The following MYBL2 variants were observed in gnomAD, a reference collection of about 807,000 sequenced individuals.
MYBL2 encodes MYB proto-oncogene like 2, also known as myb-related protein B.
MYBL2 carries 28 observed loss-of-function variants against 79.9 expected under a neutral mutation model. That is an observed-to-expected ratio of 0.35 (90% CI 0.26 to 0.48). MYBL2 has a LOEUF of 0.48. MYBL2 is among the 20% of genes least tolerant of loss of function. The pLI is 0.99. For missense variants in MYBL2, 735 were observed against 893.9 expected (o/e 0.82, Z 2.27); for synonymous variants, 378 against 361.2 (o/e 1.05, Z -0.53).
intron 1 of MYBL2, among the ~76,000 whole-genome samples, chr20:43,668,514 CTT>C (rs1329382484): frequency 2.0e-5 from 3 of 151,856 alleles, no homozygotes; most frequent in Non-Finnish European, 4.4e-5. Context: ...TTCGGTCCCT[CTT>C]TAGACGATAG....
Position 43,705,257 on chromosome 20 carries a change from G to A in MYBL2, c.1404G>A (p.Leu468=). ...GGAACAAACAGGACACATTGGAGCT[G>A]GAGAGCCCCTCGCTGACATCCACCC... ...NFWNKQDTLE[L]ESPSLTSTPV... The change falls in exon 9 of 14, where the codon CTG becomes CTA. Residue 468 remains leucine, a synonymous_variant. Transcript: ENST00000217026. The A allele has an allele frequency of 1.2e-6, 2 of 1,614,042 alleles. No individual in the cohort carries two copies. Among genetic ancestry groups the A allele is most frequent in the South Asian group, 1.1e-5 (1 of 91,030 alleles).
chr20:43,671,303 A>G (rs1279965677), intron 1 of MYBL2, among the ~76,000 whole-genome samples: 1 of 149,268 alleles, frequency 6.7e-6, no homozygotes, highest in Non-Finnish European at 1.5e-5. Context: ...TTACAGGCGC[A>G]TGCCACCACA....
chr20:43,695,105 C>G (rs1390423437), intron 6 of MYBL2, among the ~76,000 whole-genome samples: 1 of 151,004 alleles, frequency 6.6e-6, no homozygotes, highest in Non-Finnish European at 1.5e-5. Flanking sequence ...GCCATCTCTG[C>G]TTGCTGCAAC....
intron 1 of MYBL2, among the ~76,000 whole-genome samples, chr20:43,669,081 C>T (rs772366377): frequency 6.6e-6 from 1 of 152,186 alleles, no homozygotes; most frequent in African/African-American, 2.4e-5. Flanking sequence ...TCAGGCAATC[C>T]GCCTGCCTTG....
intron 12 of MYBL2, 108 bp downstream of exon 12, chr20:43,713,214 AG>A: frequency 2.4e-6 from 1 of 424,610 alleles, no homozygotes; most frequent in Non-Finnish European, 4.8e-6. Flanking sequence ...CTCTGCAGGG[AG>A]GGGCTATCAG....
chr20:43,671,060 C>T (rs1986843140), intron 1 of MYBL2, among the ~76,000 whole-genome samples: 2 of 151,798 alleles, frequency 1.3e-5, no homozygotes, highest in Admixed American at 6.6e-5. Context: ...CCTCTGCCTC[C>T]TGGGTTCAAG....
Position 43,686,805 on chromosome 20 carries a change from C to G in MYBL2, c.280-47C>G, listed in dbSNP as rs373580243. The G allele has an allele frequency of 1.1e-5, 18 of 1,575,012 alleles. No individual in the cohort carries two copies. The East Asian group carries it at 4.0e-4, about 35-fold the overall frequency. ...TGGATGTGAAGGGCTATGGTGGGGG[C>G]GAGAGAGGGGCCGGTGCAAGTGGCT... On this transcript the variant is annotated intron_variant, in intron 4 of 13. Transcript: ENST00000217026.
At chr20:43,715,585 TA>T (rs1988013366) in intron 13 of MYBL2, among the ~76,000 whole-genome samples, 1 of 152,232 alleles carries the variant, frequency 6.6e-6, no homozygotes, top group Admixed American at 6.5e-5. Context: ...CACTTGTAAC[TA>T]AGTCATTATC....
chr20:43,686,264 TG>T (rs1375887785), intron 4 of MYBL2, among the ~76,000 whole-genome samples: 1 of 152,012 alleles, frequency 6.6e-6, no homozygotes, highest in Non-Finnish European at 1.5e-5. Flanking sequence ...GCCTGGCTCT[TG>T]TGGCTGCGTA....
intron 4 of MYBL2, among the ~76,000 whole-genome samples, chr20:43,683,550 C>CCTTTTTTTTTTTT (rs764273305): frequency 1.6e-5 from 2 of 126,446 alleles, no homozygotes; most frequent in Non-Finnish European, 1.7e-5. Context: ...GGGAACTAGG[C>CCTTTTTTTTTTTT]ATTTTTTTTT....
intron 4 of MYBL2, among the ~76,000 whole-genome samples, chr20:43,684,534 CTTTT>C (rs752809652): frequency 7.3e-6 from 1 of 136,190 alleles, no homozygotes; most frequent in South Asian, 2.3e-4. Flanking sequence ...TGTGCCCGGC[CTTTT>C]TTTTTTTTTT....
intron 1 of MYBL2, among the ~76,000 whole-genome samples, chr20:43,671,464 T>C (rs1207333875): frequency 4.0e-5 from 4 of 99,962 alleles, no homozygotes; most frequent in African/African-American, 2.1e-4. Context: ...CTGATTTCCA[T>C]TTTTTTTTTT....
chr20:43,716,239 C>A lies in MYBL2; in HGVS notation c.*152C>A. The A allele has an allele frequency of 6.8e-6, 8 of 1,174,416 alleles. No homozygotes were observed. The highest frequency in any genetic ancestry group is 8.2e-6 in the Non-Finnish European group (7 of 852,620). The allele number at this position is 1,174,416 out of a possible 1,614,324, so 72.7% of individuals were successfully genotyped here. On this transcript the variant is annotated 3_prime_UTR_variant, in exon 14 of 14. Transcript: ENST00000217026. ...GACTCTCAGGTGGAGGCAACAGGGC[C>A]ATGTGCTGCCCTGTTGCCGAGCCCA...
intron 1 of MYBL2, among the ~76,000 whole-genome samples, chr20:43,670,731 C>A (rs1382574706): frequency 6.6e-6 from 1 of 152,088 alleles, no homozygotes; most frequent in Non-Finnish European, 1.5e-5. Flanking sequence ...CTTTGGAGAA[C>A]AAGGAGAAGG....
At chr20:43,667,653 C>T (rs1986750709) in intron 1 of MYBL2, among the ~76,000 whole-genome samples, 1 of 152,132 alleles carries the variant, frequency 6.6e-6, no homozygotes, top group African/African-American at 2.4e-5. Context: ...AGGGCCTTCG[C>T]CGGCGAGGGA....
chr20:43,671,906 C>T (rs988227052), intron 1 of MYBL2, among the ~76,000 whole-genome samples: 5 of 151,222 alleles, frequency 3.3e-5, no homozygotes, highest in Admixed American at 6.6e-5. Context: ...CCTACAGCGG[C>T]GTTAGAAGAT....
At chr20:43,711,345 C>T (rs931641347) in intron 10 of MYBL2, 143 bp from the exon 11 acceptor site, 15 of 613,204 alleles carry the variant, frequency 2.4e-5, no homozygotes, top group East Asian at 5.7e-5. Context: ...GTGAATGGTG[C>T]GTGTGAGATC....
At chr20:43,709,886 A>C in intron 9 of MYBL2, 77 bp from the exon 10 acceptor site, 1 of 1,193,478 alleles carries the variant, frequency 8.4e-7, no homozygotes, top group Non-Finnish European at 1.2e-6. Flanking sequence ...CACTGGGGGA[A>C]GGTGGAGCCA....
chr20:43,696,480 CA>C (rs894602154), intron 6 of MYBL2, among the ~76,000 whole-genome samples: 78 of 152,392 alleles, frequency 5.1e-4, no homozygotes, highest in African/African-American at 1.6e-3. Context: ...CTTGGCCTCC[CA>C]AAATACTGGG....
Sources: allele counts gnomAD v4.1 joint callset (sites outside exome capture counted in the v4.1 genomes callset), GRCh38; gene constraint gnomAD v4.1.1; transcripts MANE v1.5; gene names NCBI Gene and HGNC (gene_info 2026-07-23, HGNC 2026-07-21).